PJA2: variants seen among roughly 807,000 people sequenced by gnomAD.
PJA2 encodes E3 ubiquitin-protein ligase Praja-2.
Under a neutral mutation model 69.3 loss-of-function variants are expected in PJA2, and 25 were observed. The ratio of observed to expected loss-of-function variants is 0.36; its 90% CI spans 0.26 to 0.50. The LOEUF (loss-of-function observed/expected upper bound fraction) is 0.50. PJA2 is among the 20% of genes least tolerant of loss of function. The pLI is 0.96. For synonymous variants in PJA2, 308 were observed against 277.8 expected (o/e 1.11, Z -1.08); for missense variants, 809 against 830.2 (o/e 0.97, Z 0.31).
In PJA2 at chr5:109,353,426, TTA is replaced by T. The variant is rs1762310288; in HGVS notation, c.1764+2487_1764+2488del. 3.9e-5 allele frequency among the ~76,000 whole-genome samples: 2 copies of T among 50,992 alleles called. 1 individual carries two copies. Among genetic ancestry groups the T allele is most frequent in the African/African-American group, 1.0e-4 (2 of 19,952 alleles). The allele number at this position is 50,992 out of a possible 152,430, so 33.5% of individuals were successfully genotyped here. A position where few individuals can be genotyped will look rare whatever the true frequency, so the allele number is the denominator to read the frequency against. On this transcript the variant is annotated intron_variant, in intron 7 of 9. Coordinates refer to ENST00000361189, the MANE Select transcript of PJA2 (RefSeq NM_014819.5). ...ACCTATATCTATAGACATCTATATATTAGATACCTATATATAGATATCTATAT... is the reference window on the plus strand; with the variant it reads ...ACCTATATCTATAGACATCTATATATGATACCTATATATAGATATCTATAT...
At chr5:109,352,832 C>T (rs7734601) in intron 7 of PJA2, among the ~76,000 whole-genome samples, 1 of 150,462 alleles carries the variant, frequency 6.6e-6, no homozygotes, top group South Asian at 2.1e-4. Context: ...TATCTATAGA[C>T]ATCTATATAT....
intron 1 of PJA2, among the ~76,000 whole-genome samples, chr5:109,394,851 T>C (rs571007505): frequency 9.8e-5 from 15 of 152,296 alleles, no homozygotes; most frequent in African/African-American, 2.9e-4. Flanking sequence ...GTATGGCAGA[T>C]AAAAATTTTT....
In PJA2 at chr5:109,369,050, G is replaced by A. The variant is rs1035109095; in HGVS notation, c.1284-304C>T. 2.6e-5 allele frequency among the ~76,000 whole-genome samples: 4 copies of A among 152,118 alleles called. No homozygotes were observed. In the East Asian group the frequency reaches 7.7e-4, roughly 29 times the overall value. Reference sequence around the variant, plus strand: ...TTTCTTACACCTGCTCCTGCCAAGTGAGAAGCCTTGTTCCTGCTCTGCATT... The same window carrying A: ...TTTCTTACACCTGCTCCTGCCAAGTAAGAAGCCTTGTTCCTGCTCTGCATT... On this transcript the variant is annotated intron_variant, in intron 4 of 9. Coordinates refer to ENST00000361189, the MANE Select transcript of PJA2 (RefSeq NM_014819.5).
chr5:109,404,006 G>A (rs750751968), intron 1 of PJA2, among the ~76,000 whole-genome samples: 1 of 151,860 alleles, frequency 6.6e-6, no homozygotes, highest in Non-Finnish European at 1.5e-5. Flanking sequence ...AGGAGGCGGA[G>A]GCTGTAGTGA....
At chr5:109,387,113 T>A (rs1317889492) in intron 1 of PJA2, among the ~76,000 whole-genome samples, 3 of 152,302 alleles carry the variant, frequency 2.0e-5, no homozygotes, top group Middle Eastern at 3.4e-3. Flanking sequence ...TTTCACTCAT[T>A]TTTACTTCTT....
At chr5:109,362,170 TAGG>T in intron 6 of PJA2, among the ~76,000 whole-genome samples, 1 of 152,236 alleles carries the variant, frequency 6.6e-6, no homozygotes, top group East Asian at 1.9e-4. Context: ...AGGGATCAGT[TAGG>T]AGGACATCCT....
intron 7 of PJA2, among the ~76,000 whole-genome samples, chr5:109,353,144 C>CTA (rs561985013): frequency 3.2e-4 from 20 of 62,360 alleles, no homozygotes; most frequent in East Asian, 7.6e-4. Context: ...ATACCTATAT[C>CTA]TAGATATCTA....
intron 4 of PJA2, among the ~76,000 whole-genome samples, chr5:109,370,649 T>C (rs1312521488): frequency 6.6e-6 from 1 of 152,178 alleles, no homozygotes; most frequent in Admixed American, 6.5e-5. Context: ...AAACAATTTC[T>C]AGACTTATAT....
chr5:109,391,693 A>G (rs910374296), intron 1 of PJA2, among the ~76,000 whole-genome samples: 3 of 152,154 alleles, frequency 2.0e-5, no homozygotes, highest in Admixed American at 2.0e-4. Flanking sequence ...TTATTCACAG[A>G]TAACATGATT....
At chr5:109,397,706 T>C in intron 1 of PJA2, among the ~76,000 whole-genome samples, 1 of 151,922 alleles carries the variant, frequency 6.6e-6, no homozygotes, top group East Asian at 1.9e-4. Context: ...TTTTTTCTAG[T>C]AGAAACAGGG....
At chr5:109,353,766 A>C (rs1452657897) in intron 7 of PJA2, among the ~76,000 whole-genome samples, 1 of 131,794 alleles carries the variant, frequency 7.6e-6, no homozygotes, top group African/African-American at 2.8e-5. Flanking sequence ...TGATATCTAG[A>C]GATATCTATA....
At chr5:109,384,525 C>A (rs73209515) in intron 1 of PJA2, among the ~76,000 whole-genome samples, 1 of 152,058 alleles carries the variant, frequency 6.6e-6, no homozygotes, top group East Asian at 1.9e-4. Flanking sequence ...TATTTAAACA[C>A]CTTATTTATT....
chr5:109,393,625 C>T lies in PJA2; in HGVS notation c.-87-10105G>A, dbSNP rs79230009. On this transcript the variant is annotated intron_variant, in intron 1 of 9. Transcript: ENST00000361189. ...TTCTGGCCTGGGCAACAAAGCCAGA[C>T]CCCATCTCTAAAAAAATAAAGAAAT... Among the ~76,000 whole-genome samples the T allele has an allele frequency of 6.9e-3, 1,054 of 152,102 alleles. 12 individuals carry two copies. The highest frequency in any genetic ancestry group is 0.024 in the African/African-American group (996 of 41,462).
rs1357879235 is a variant in PJA2 at position 109,378,978 on chromosome 5, G to A, written c.509C>T (p.Pro170Leu). Residue 170 changes from proline (P) to leucine (L), a missense_variant, in exon 4 of 10, where the codon CCA becomes CTA. This residue lies in a region of PJA2 where 700 missense variants were observed against 639.5 expected (regional missense o/e 1.09). Coordinates refer to ENST00000361189, the MANE Select transcript of PJA2 (RefSeq NM_014819.5). ...ATTATCTTCTCCATGTTTGCCATCT[G>A]GATCATAAGAGTCTGTATGAACCAA... ...IALVHTDSYDPDGKHGEDNDH... is the reference protein window; with the variant it reads ...IALVHTDSYDLDGKHGEDNDH... 1.2e-6 allele frequency: 2 copies of A among 1,614,114 alleles called. No homozygotes were observed. The highest frequency in any genetic ancestry group is 4.5e-5 in the East Asian group (2 of 44,874).
At chr5:109,360,455 G>A (rs1454405955) in intron 6 of PJA2, among the ~76,000 whole-genome samples, 2 of 151,840 alleles carry the variant, frequency 1.3e-5, no homozygotes, top group Admixed American at 6.6e-5. Flanking sequence ...TCTAAGCAGT[G>A]GCAAAACAAA....
chr5:109,363,919 AG>A (rs1762538191), intron 5 of PJA2, among the ~76,000 whole-genome samples: 1 of 152,174 alleles, frequency 6.6e-6, no homozygotes, highest in Non-Finnish European at 1.5e-5. Flanking sequence ...TGGGAGTCCG[AG>A]TCAGGCAGAT....
At chr5:109,406,412 C>A (rs1747694856) in intron 1 of PJA2, among the ~76,000 whole-genome samples, 1 of 152,158 alleles carries the variant, frequency 6.6e-6, no homozygotes, top group African/African-American at 2.4e-5. Flanking sequence ...AAGACATACA[C>A]TAGAGCAAAT....
At chr5:109,388,156 CTCTT>C (rs1320376099) in intron 1 of PJA2, among the ~76,000 whole-genome samples, 1 of 152,180 alleles carries the variant, frequency 6.6e-6, no homozygotes, top group Non-Finnish European at 1.5e-5. Flanking sequence ...TCTCTGCTCA[CTCTT>C]TCTGGAAGAA....
At chr5:109,375,997 T>C (rs961500081) in intron 4 of PJA2, among the ~76,000 whole-genome samples, 4 of 152,168 alleles carry the variant, frequency 2.6e-5, no homozygotes, top group African/African-American at 9.7e-5. Context: ...TCGTAAAACA[T>C]ATCTTAAGGC....
Sources: gnomAD v4.1 joint callset for allele counts (sites outside exome capture counted in the v4.1 genomes callset) on GRCh38, gnomAD v4.1.1 for gene constraint, gnomAD v4.1.1 regional missense constraint, MANE v1.5 for transcripts, NCBI Gene and HGNC (gene_info 2026-07-23, HGNC 2026-07-21) for gene names.